The following EEPD1 variants were observed in gnomAD, a reference collection of about 807,000 sequenced individuals.
The protein encoded by EEPD1 is endonuclease/exonuclease/phosphatase family domain-containing protein 1.
Under a neutral mutation model 46.3 loss-of-function variants are expected in EEPD1, and 17 were observed. That is an observed-to-expected ratio of 0.37 (90% CI 0.25 to 0.55). The LOEUF (loss-of-function observed/expected upper bound fraction) is 0.55, where lower values mean the gene tolerates loss of function less well. Ranked by LOEUF, EEPD1 falls within the 20% of genes least tolerant of loss-of-function variation. The pLI, the probability that EEPD1 is intolerant of heterozygous loss-of-function variation, is 0.83. For missense variants in EEPD1, 673 were observed against 745.6 expected (o/e 0.90, Z 1.13); for synonymous variants, 313 against 315.6 (o/e 0.99, Z 0.09).
intron 3 of EEPD1, among the ~76,000 whole-genome samples, chr7:36,264,073 C>T (rs196568): frequency 0.14 from 21,953 of 152,126 alleles, 1,810 homozygotes; most frequent in Non-Finnish European, 0.18. Flanking sequence ...ATAAAGCTCA[C>T]ACCAGTTAAT....
intron 2 of EEPD1, among the ~76,000 whole-genome samples, chr7:36,185,590 G>GATT (rs10683863): frequency 0.96 from 146,691 of 152,210 alleles, 70,934 homozygotes; most frequent in East Asian, 1. Flanking sequence ...TGGCAGACGT[G>GATT]TACCAGTGAT....
Position 36,300,345 on chromosome 7 carries a change from G to A in EEPD1, c.*1139G>A, listed in dbSNP as rs1787600595. On this transcript the variant is annotated 3_prime_UTR_variant, in exon 8 of 8. Transcript: ENST00000242108. ...TTTCCCTTAGGCAACACCATCCCAG[G>A]GAGATCTGCCACAATTTGCGTTTCA... The A allele has an allele frequency of 6.6e-6, 1 of 152,234 alleles. No homozygotes were observed. The highest frequency in any genetic ancestry group is 1.5e-5 in the Non-Finnish European group (1 of 68,054). 9.4% of individuals were successfully genotyped at this position (152,234 alleles called of 1,614,324 possible). A position where few individuals can be genotyped will look rare whatever the true frequency, so the allele number is the denominator to read the frequency against.
At chr7:36,155,318 TC>T in intron 2 of EEPD1, 116 bp downstream of exon 2, 1 of 1,256,216 alleles carries the variant, frequency 8.0e-7, no homozygotes, top group African/African-American at 1.5e-5. Flanking sequence ...GAGTTTTTAA[TC>T]AATGTTCTTG....
At chr7:36,197,960 G>A (rs1245654766) in intron 2 of EEPD1, among the ~76,000 whole-genome samples, 1 of 151,814 alleles carries the variant, frequency 6.6e-6, no homozygotes, top group Non-Finnish European at 1.5e-5. Flanking sequence ...TTCTTCCATG[G>A]AGCTGAGTAG....
At chr7:36,176,962 T>TAAA (rs1474995826) in intron 2 of EEPD1, among the ~76,000 whole-genome samples, 1 of 152,238 alleles carries the variant, frequency 6.6e-6, no homozygotes, top group Non-Finnish European at 1.5e-5. Flanking sequence ...TATGTGGACT[T>TAAA]AAACTGTTAT....
chr7:36,281,276 C>G (rs777271692), intron 4 of EEPD1, 51 bp downstream of exon 4: 1 of 1,513,334 alleles, frequency 6.6e-7, no homozygotes, highest in Non-Finnish European at 9.1e-7. Context: ...TTTATACATA[C>G]TTTTCCCCTA....
At chr7:36,236,774 G>A (rs1786453003) in intron 2 of EEPD1, among the ~76,000 whole-genome samples, 1 of 152,194 alleles carries the variant, frequency 6.6e-6, no homozygotes, top group African/African-American at 2.4e-5. Context: ...CTAGCTAAAG[G>A]TTTGTAAATG....
At chr7:36,294,867 C>A (rs1026589766) in intron 6 of EEPD1, among the ~76,000 whole-genome samples, 1 of 152,070 alleles carries the variant, frequency 6.6e-6, no homozygotes, top group Non-Finnish European at 1.5e-5. Context: ...ATGGCTGATG[C>A]GAGGACTGAG....
At chr7:36,260,628 C>T (rs1379127859) in intron 3 of EEPD1, among the ~76,000 whole-genome samples, 1 of 152,196 alleles carries the variant, frequency 6.6e-6, no homozygotes, top group African/African-American at 2.4e-5. Flanking sequence ...AAAAACATTT[C>T]AGATGCTTTT....
intron 2 of EEPD1, among the ~76,000 whole-genome samples, chr7:36,211,695 C>T (rs1785937367): frequency 6.6e-6 from 1 of 152,088 alleles, no homozygotes; most frequent in Admixed American, 6.5e-5. Flanking sequence ...GAGGCCAAGG[C>T]GTGCGGATCA....
chr7:36,293,942 C>T (rs934330988), intron 6 of EEPD1, among the ~76,000 whole-genome samples: 5 of 150,452 alleles, frequency 3.3e-5, no homozygotes, highest in African/African-American at 4.9e-5. Flanking sequence ...CCAGCCTGGG[C>T]GACAGAGTGA....
At chr7:36,156,043 A>G (rs1221752983) in intron 2 of EEPD1, among the ~76,000 whole-genome samples, 1 of 152,188 alleles carries the variant, frequency 6.6e-6, no homozygotes, top group African/African-American at 2.4e-5. Flanking sequence ...AGAAAGAAAT[A>G]TTTGTGATGG....
intron 2 of EEPD1, among the ~76,000 whole-genome samples, chr7:36,200,964 C>A (rs1453070481): frequency 2.0e-5 from 3 of 152,194 alleles, no homozygotes; most frequent in Admixed American, 6.5e-5. Flanking sequence ...AACCAGATGA[C>A]CTGAGTTAAC....
intron 6 of EEPD1, among the ~76,000 whole-genome samples, chr7:36,291,132 C>T (rs1296731629): frequency 1.3e-5 from 2 of 152,236 alleles, no homozygotes; most frequent in Admixed American, 6.5e-5. Flanking sequence ...CCTTTGCAGG[C>T]CTGCATCCCA....
chr7:36,181,024 C>T (rs1181730559), intron 2 of EEPD1, among the ~76,000 whole-genome samples: 2 of 152,136 alleles, frequency 1.3e-5, no homozygotes, highest in Non-Finnish European at 2.9e-5. Context: ...GAAGGATTCC[C>T]CAGGGTGCTT....
rs575031729 is a variant in EEPD1 at position 36,217,165 on chromosome 7, G to A, written c.879-21820G>A. Among the ~76,000 whole-genome samples the A allele has an allele frequency of 1.1e-4, 16 of 152,372 alleles. No individual in the cohort carries two copies. The East Asian group carries it at 1.3e-3, about 13-fold the overall frequency. ...ATGGCTACTCCATAGGCAGAGCAGC[G>A]GCATGGGCCACTGGTTGCCCATATT... On this transcript the variant is annotated intron_variant, in intron 2 of 7. Coordinates refer to ENST00000242108, the MANE Select transcript of EEPD1 (RefSeq NM_030636.3).
intron 2 of EEPD1, among the ~76,000 whole-genome samples, chr7:36,180,935 G>A (rs550154075): frequency 3.3e-5 from 5 of 150,138 alleles, no homozygotes; most frequent in East Asian, 2.0e-4. Flanking sequence ...CCCTGCTGCC[G>A]GCTCCAGGGT....
At chr7:36,198,381 T>TAAAAAAAAAAAAAA (rs1785651068) in intron 2 of EEPD1, among the ~76,000 whole-genome samples, 1 of 43,272 alleles carries the variant, frequency 2.3e-5, no homozygotes, top group African/African-American at 8.8e-5. Flanking sequence ...CCTGAAAAAC[T>TAAAAAAAAAAAAAA]AAATCAAAAC....
At chr7:36,196,714 C>G (rs1785598258) in intron 2 of EEPD1, among the ~76,000 whole-genome samples, 1 of 152,242 alleles carries the variant, frequency 6.6e-6, no homozygotes, top group Non-Finnish European at 1.5e-5. Context: ...TAACTCAGTG[C>G]TCAATGGTGC....
Sources: allele counts gnomAD v4.1 joint callset (sites outside exome capture counted in the v4.1 genomes callset), GRCh38; gene constraint gnomAD v4.1.1; transcripts MANE v1.5; gene names NCBI Gene and HGNC (gene_info 2026-07-23, HGNC 2026-07-21).